Variants in ASCC1 observed in about 807,000 individuals in gnomAD.
The protein encoded by ASCC1 is ASC-1 complex subunit P50.
Under a neutral mutation model 46.6 loss-of-function variants are expected in ASCC1, and 35 were observed. The ratio of observed to expected loss-of-function variants is 0.75; its 90% confidence interval spans 0.57 to 0.99. The LOEUF is 0.99. ASCC1 is among the 50% of genes least tolerant of loss of function. The probability of loss-of-function intolerance (pLI) is 0.00; values close to 1 mark genes in which losing one functional copy is unlikely to be tolerated. For missense variants in ASCC1, 376 were observed against 428.7 expected (o/e 0.88, Z 1.09); for synonymous variants, 143 against 146.6 (o/e 0.98, Z 0.18).
intron 7 of ASCC1, among the ~76,000 whole-genome samples, chr10:72,146,463 A>T (rs537818289): frequency 8.5e-5 from 13 of 152,344 alleles, no homozygotes; most frequent in African/African-American, 3.1e-4. Flanking sequence ...AGATGAAAAT[A>T]GGTGAACTGT....
At chr10:72,153,881 C>A (rs1848656936) in intron 6 of ASCC1, among the ~76,000 whole-genome samples, 1 of 152,064 alleles carries the variant, frequency 6.6e-6, no homozygotes. Context: ...GCCACCACGC[C>A]AAGCTAATTT....
intron 1 of ASCC1, 86 bp from the exon 2 acceptor site, chr10:72,213,417 T>C (rs564071038): frequency 2.7e-5 from 20 of 741,126 alleles, no homozygotes; most frequent in African/African-American, 2.6e-4. Flanking sequence ...CAGGTCTGAA[T>C]TGGGCATCAG....
At chr10:72,117,638 T>C (rs912758317) in intron 9 of ASCC1, among the ~76,000 whole-genome samples, 10 of 152,210 alleles carry the variant, frequency 6.6e-5, no homozygotes, top group African/African-American at 1.9e-4. Context: ...TCCTTTTAAA[T>C]AACATTTTTA....
At position 72,097,473 on chromosome 10, in the gene ASCC1, C is replaced by T. The variant is rs555079261; in HGVS notation, c.958-23G>A. ...CAACTGAAAAGGAAGAATAAAAACC[C>T]AGAATGAATATTTAAAGTATAGATG... On this transcript the variant is annotated intron_variant, in intron 9 of 9. Transcript: ENST00000672957. 7.2e-6 allele frequency: 10 copies of T among 1,396,546 alleles called. 1 individual carries two copies. The South Asian group carries it at 1.2e-4, about 16-fold the overall frequency. The allele number at this position is 1,396,546 out of a possible 1,614,324, so 86.5% of individuals were successfully genotyped here.
intron 9 of ASCC1, among the ~76,000 whole-genome samples, chr10:72,115,230 T>C (rs1843365511): frequency 2.0e-5 from 3 of 152,198 alleles, no homozygotes; most frequent in African/African-American, 7.2e-5. Context: ...CAAAATCTGA[T>C]GTCTGTAGAA....
chr10:72,132,602 CCTAA>C (rs1845738064), intron 8 of ASCC1, among the ~76,000 whole-genome samples: 1 of 152,046 alleles, frequency 6.6e-6, no homozygotes, highest in African/African-American at 2.4e-5. Flanking sequence ...TCTCCAGCTC[CCTAA>C]CTATGATAAC....
intron 8 of ASCC1, among the ~76,000 whole-genome samples, chr10:72,131,887 T>TTC (rs1452533888): frequency 3.3e-5 from 5 of 150,572 alleles, no homozygotes; most frequent in African/African-American, 9.8e-5. Context: ...TTTTTTTTTT[T>TTC]TTTTTTTTGA....
chr10:72,179,345 G>A (rs976668549), intron 5 of ASCC1, among the ~76,000 whole-genome samples: 2 of 152,106 alleles, frequency 1.3e-5, no homozygotes, highest in Non-Finnish European at 2.9e-5. Context: ...AATTATTACC[G>A]AATTCCAGTC....
intron 7 of ASCC1, among the ~76,000 whole-genome samples, chr10:72,144,255 G>A (rs551534199): frequency 2.6e-5 from 4 of 152,240 alleles, no homozygotes; most frequent in East Asian, 3.9e-4. Flanking sequence ...GATTACAGGC[G>A]TGAGCCACCA....
At chr10:72,179,854 A>G (rs1310870697) in intron 5 of ASCC1, among the ~76,000 whole-genome samples, 2 of 152,150 alleles carry the variant, frequency 1.3e-5, no homozygotes, top group East Asian at 3.9e-4. Context: ...TTACTAGCAG[A>G]AAAAAAATGC....
chr10:72,107,803 G>A (rs986639642), intron 9 of ASCC1, among the ~76,000 whole-genome samples: 2 of 152,212 alleles, frequency 1.3e-5, no homozygotes, highest in Non-Finnish European at 2.9e-5. Context: ...AGGCTTAAGG[G>A]AATGTGATTA....
intron 7 of ASCC1, among the ~76,000 whole-genome samples, chr10:72,149,634 C>T (rs1170229960): frequency 6.6e-6 from 1 of 152,078 alleles, no homozygotes; most frequent in Admixed American, 6.5e-5. Context: ...GAACTGCCAT[C>T]TTAGATGATT....
intron 5 of ASCC1, among the ~76,000 whole-genome samples, chr10:72,194,593 G>A (rs1023086011): frequency 6.8e-6 from 1 of 147,466 alleles, no homozygotes; most frequent in African/African-American, 2.7e-5. Context: ...TAACCCACTA[G>A]TGCAGAAAAA....
At chr10:72,115,674 C>A (rs1043080674) in intron 9 of ASCC1, among the ~76,000 whole-genome samples, 1 of 152,144 alleles carries the variant, frequency 6.6e-6, no homozygotes, top group Non-Finnish European at 1.5e-5. Flanking sequence ...AGGCACTGAA[C>A]AAACAGGGGC....
chr10:72,181,363 G>C (rs1852593408), intron 5 of ASCC1, among the ~76,000 whole-genome samples: 1 of 152,128 alleles, frequency 6.6e-6, no homozygotes, highest in African/African-American at 2.4e-5. Flanking sequence ...AAGACTTACT[G>C]AGCTTGGACT....
intron 7 of ASCC1, among the ~76,000 whole-genome samples, chr10:72,149,395 G>A (rs373913290): frequency 1.6e-5 from 2 of 124,036 alleles, no homozygotes; most frequent in Non-Finnish European, 3.1e-5. Context: ...CCTAGATCAC[G>A]CCACTGCACT....
At chr10:72,190,643 GTTAT>G (rs1675637649) in intron 5 of ASCC1, 14 of 781,980 alleles carry the variant, frequency 1.8e-5, no homozygotes, top group South Asian at 1.3e-4. Context: ...GCTTACAGGT[GTTAT>G]TTGTCTGTTA....
chr10:72,149,310 T>C (rs373575527), intron 7 of ASCC1, among the ~76,000 whole-genome samples: 74 of 151,656 alleles, frequency 4.9e-4, no homozygotes, highest in South Asian at 8.3e-4. Context: ...TGGTGGCGGG[T>C]GCCTGTAGTC....
In ASCC1 at chr10:72,104,231, G is replaced by C. The variant is rs900336378; in HGVS notation, c.958-6781C>G. ...CACAGCCCCATTAAATAGCCACAGT[G>C]AGGAACGCTGACCCAGACAACTCCC... On this transcript the variant is annotated intron_variant, in intron 9 of 9. Transcript: ENST00000672957. Among the ~76,000 whole-genome samples the C allele has an allele frequency of 3.9e-5, 6 of 152,250 alleles. No individual in the cohort carries two copies. In the South Asian group the frequency reaches 1.2e-3, roughly 32 times the overall value.
Sources: gnomAD v4.1 joint callset for allele counts (sites outside exome capture counted in the v4.1 genomes callset) on GRCh38, gnomAD v4.1.1 for gene constraint, MANE v1.5 for transcripts, NCBI Gene and HGNC (gene_info 2026-07-23, HGNC 2026-07-21) for gene names.